PRPSAP2: variants seen among roughly 807,000 people sequenced by gnomAD.
The protein encoded by PRPSAP2 is phosphoribosyl pyrophosphate synthetase associated protein 2.
In PRPSAP2, 24 loss-of-function variants were observed where a neutral mutation model predicts 40.6. That is an observed-to-expected ratio of 0.59 (90% CI 0.43 to 0.83). PRPSAP2 has a LOEUF of 0.83. Ranked by LOEUF, PRPSAP2 falls within the 40% of genes least tolerant of loss-of-function variation. PRPSAP2 has a pLI of 0.00. For missense variants in PRPSAP2, 292 were observed against 465.6 expected, an observed-to-expected ratio of 0.63 and a Z score of 3.43; for synonymous variants, 149 against 164.7, an observed-to-expected ratio of 0.90 and a Z score of 0.73.
chr17:18,905,271 C>T (rs933697859), intron 8 of PRPSAP2, among the ~76,000 whole-genome samples: 3 of 152,162 alleles, frequency 2.0e-5, no homozygotes, highest in Admixed American at 1.3e-4. Flanking sequence ...GGTGATCCAC[C>T]TGCCTTGGCC....
intron 5 of PRPSAP2, among the ~76,000 whole-genome samples, chr17:18,875,853 C>CA (rs35855183): frequency 0.012 from 1,340 of 107,582 alleles, 20 homozygotes; most frequent in African/African-American, 0.042. Flanking sequence ...GACTCTGTCT[C>CA]AAAAAAAAAA....
intron 11 of PRPSAP2, 129 bp from the exon 12 acceptor site, chr17:18,930,411 T>G: frequency 7.8e-6 from 6 of 768,102 alleles, no homozygotes; most frequent in Non-Finnish European, 1.2e-5. Context: ...AACATTGACT[T>G]GAGACATAGA....
Position 18,929,729 on chromosome 17 carries a change from C to T in PRPSAP2, c.951+772C>T, listed in dbSNP as rs140013563. 9.8e-4 allele frequency: 149 copies of T among 152,240 alleles called. 1 individual carries two copies. The highest frequency in any genetic ancestry group is 3.5e-3 in the African/African-American group (146 of 41,546). 9.4% of individuals were successfully genotyped at this position (152,240 alleles called of 1,614,324 possible). ...AATAATGCTGTGTTACATGGATAGT[C>T]CACATTTTGTCTCTCTCTTCGTATT... On this transcript the variant is annotated intron_variant, in intron 11 of 11. Coordinates refer to ENST00000268835, the MANE Select transcript of PRPSAP2 (RefSeq NM_002767.4).
At chr17:18,913,515 ACT>A (rs1341350219) in intron 9 of PRPSAP2, among the ~76,000 whole-genome samples, 1 of 142,540 alleles carries the variant, frequency 7.0e-6, no homozygotes, top group Non-Finnish European at 1.5e-5. Flanking sequence ...TCATTGAGTC[ACT>A]GTCTTGATGA....
chr17:18,916,079 A>G (rs1370658407), intron 9 of PRPSAP2, among the ~76,000 whole-genome samples: 1 of 151,964 alleles, frequency 6.6e-6, no homozygotes, highest in Non-Finnish European at 1.5e-5. Flanking sequence ...CGGCCTCCCA[A>G]AGTGCTGGGA....
chr17:18,912,595 C>A (rs1310544118), intron 9 of PRPSAP2, among the ~76,000 whole-genome samples: 4 of 152,290 alleles, frequency 2.6e-5, no homozygotes, highest in South Asian at 2.1e-4. Flanking sequence ...TAAATATCAT[C>A]TAAATCAAAT....
At chr17:18,908,120 C>CT (rs1369144535) in intron 8 of PRPSAP2, among the ~76,000 whole-genome samples, 5 of 152,146 alleles carry the variant, frequency 3.3e-5, no homozygotes, top group Non-Finnish European at 7.3e-5. Flanking sequence ...GATCACGCCA[C>CT]TGCACTCCAG....
chr17:18,906,607 C>T (rs373353719), intron 8 of PRPSAP2, among the ~76,000 whole-genome samples: 15 of 152,232 alleles, frequency 9.9e-5, no homozygotes, highest in African/African-American at 3.4e-4. Flanking sequence ...CTCCTGCCTT[C>T]GTCTCAAAGT....
chr17:18,866,487 G>T (rs2037441489), intron 3 of PRPSAP2, among the ~76,000 whole-genome samples: 1 of 152,002 alleles, frequency 6.6e-6, no homozygotes, highest in Non-Finnish European at 1.5e-5. Context: ...TCGCTTGAAC[G>T]CAGGAGGGTT....
At chr17:18,922,668 ATTTTTTTT>A (rs57263191) in intron 9 of PRPSAP2, among the ~76,000 whole-genome samples, 2 of 89,840 alleles carry the variant, frequency 2.2e-5, no homozygotes, top group Non-Finnish European at 4.2e-5. Flanking sequence ...TATATATATA[ATTTTTTTT>A]TTTTTTTTTT....
upstream of PRPSAP2, among the ~76,000 whole-genome samples, chr17:18,857,592 TG>T (rs762023565): frequency 5.0e-3 from 744 of 149,584 alleles, 16 homozygotes; most frequent in African/African-American, 0.016. Flanking sequence ...TTTTTTTTTT[TG>T]TATTTTTAGT....
Position 18,868,723 on chromosome 17 carries a change from A to T in PRPSAP2, c.172+1389A>T, listed in dbSNP as rs202172916. On this transcript the variant is annotated intron_variant, in intron 4 of 11. Coordinates refer to ENST00000268835, the MANE Select transcript of PRPSAP2 (RefSeq NM_002767.4). Reference sequence around the variant, plus strand: ...TTTCCACTAGAAGATTTAAAAAAACATTTTTTTTTTTTTTGGTAGAACAAG... The same window carrying T: ...TTTCCACTAGAAGATTTAAAAAAACTTTTTTTTTTTTTTTGGTAGAACAAG... Among the ~76,000 whole-genome samples, 31 of 144,492 alleles carry T rather than the reference A, an allele frequency of 2.1e-4. No individual in the cohort carries two copies. In the East Asian group the frequency reaches 2.6e-3, roughly 12 times the overall value. 94.8% of individuals were successfully genotyped at this position (144,492 alleles called of 152,430 possible). A position where few individuals can be genotyped will look rare whatever the true frequency, so the allele number is the denominator to read the frequency against.
rs78262478 is a variant in PRPSAP2 at position 18,918,666 on chromosome 17, C to T, written c.734-5248C>T. Among the ~76,000 whole-genome samples the T allele has an allele frequency of 8.4e-3, 1,286 of 152,228 alleles. 17 individuals are homozygous for T. Among genetic ancestry groups the T allele is most frequent in the African/African-American group, 0.029 (1,204 of 41,534 alleles). ...GGGCTGCAAGTGCAGAGGCCAGATC[C>T]GGGAGGCTGATGAAGTTGAGCAGGC... is the stretch of plus-strand genomic sequence containing the variant. On this transcript the variant is annotated intron_variant, in intron 9 of 11. Coordinates refer to ENST00000268835, the MANE Select transcript of PRPSAP2 (RefSeq NM_002767.4).
chr17:18,866,389 C>A (rs1372365852), intron 3 of PRPSAP2, among the ~76,000 whole-genome samples: 1 of 152,070 alleles, frequency 6.6e-6, no homozygotes, highest in Non-Finnish European at 1.5e-5. Context: ...AAGGTGAAAC[C>A]CCGCGTCTAC....
At chr17:18,890,738 C>T (rs2039492335) in intron 8 of PRPSAP2, among the ~76,000 whole-genome samples, 1 of 152,192 alleles carries the variant, frequency 6.6e-6, no homozygotes, top group Non-Finnish European at 1.5e-5. Context: ...CGAATATTTA[C>T]AGTACTAGCA....
At chr17:18,923,869 C>A in intron 9 of PRPSAP2, 45 bp from the exon 10 acceptor site, 1 of 1,513,334 alleles carries the variant, frequency 6.6e-7, no homozygotes, top group Non-Finnish European at 9.0e-7. Context: ...TTTTGTTTTA[C>A]TTTTTAATAT....
intron 9 of PRPSAP2, among the ~76,000 whole-genome samples, chr17:18,917,972 C>G (rs2041465202): frequency 6.6e-6 from 1 of 151,948 alleles, no homozygotes; most frequent in Non-Finnish European, 1.5e-5. Context: ...ACTTCAGGAA[C>G]TCAAATGCTT....
chr17:18,865,919 C>A lies in PRPSAP2; in HGVS notation c.86C>A (p.Ser29Ter). Residue 29 changes from serine (S) to a stop codon, truncating the protein, a stop_gained, in exon 3 of 12, where the codon TCA becomes TAA. Coordinates refer to ENST00000268835, the MANE Select transcript of PRPSAP2 (RefSeq NM_002767.4). LOFTEE classifies it high-confidence loss of function. ...GTGTTGTTTTCAGCAAACTCGAATT[C>A]ATCATGTATGGAGCTATCAAAGAAA... Reference protein sequence around the residue: ...GLVLFSANSNSSCMELSKKIA... With the variant: ...GLVLFSANSN 1.3e-6 allele frequency: 2 copies of A among 1,537,364 alleles called. No homozygotes were observed. The highest frequency in any genetic ancestry group is 1.3e-5 in the South Asian group (1 of 78,182).
intron 1 of PRPSAP2, among the ~76,000 whole-genome samples, chr17:18,859,058 T>C (rs1163680582): frequency 6.6e-6 from 1 of 152,066 alleles, no homozygotes; most frequent in African/African-American, 2.4e-5. Flanking sequence ...GTTGAATATT[T>C]ATTGAATTTC....
Sources: gnomAD v4.1 joint callset for allele counts (sites outside exome capture counted in the v4.1 genomes callset) on GRCh38, gnomAD v4.1.1 for gene constraint, MANE v1.5 for transcripts, NCBI Gene and HGNC (gene_info 2026-07-23, HGNC 2026-07-21) for gene names.